The following TANGO6 variants were observed in gnomAD, a reference collection of about 807,000 sequenced individuals.
TANGO6 encodes the protein transport and golgi organization 6 homolog, also known as transport and Golgi organization protein 6 homolog.
In TANGO6, 90 loss-of-function variants were observed where a neutral mutation model predicts 114.2. That is an observed-to-expected ratio of 0.79 (90% CI 0.66 to 0.94). TANGO6 has a LOEUF of 0.94. TANGO6 is among the 40% of genes least tolerant of loss of function. TANGO6 has a pLI of 0.00. For missense variants in TANGO6, 1,274 were observed against 1,315.3 expected, an observed-to-expected ratio of 0.97 and a Z score of 0.49; for synonymous variants, 477 against 509.8, an observed-to-expected ratio of 0.94 and a Z score of 0.87.
chr16:69,037,319 G>A (rs114467714), intron 16 of TANGO6, among the ~76,000 whole-genome samples: 4 of 152,232 alleles, frequency 2.6e-5, no homozygotes, highest in African/African-American at 9.6e-5. Flanking sequence ...GGACAGAGGT[G>A]ACAAAGGCAG....
intron 15 of TANGO6, among the ~76,000 whole-genome samples, chr16:68,997,536 A>G (rs1288101843): frequency 6.6e-6 from 1 of 152,198 alleles, no homozygotes; most frequent in Non-Finnish European, 1.5e-5. Flanking sequence ...CATTATAATC[A>G]GTGTATAATG....
At position 68,907,443 on chromosome 16, in the gene TANGO6, T is replaced by TGATGAA. The variant is rs1340429107; in HGVS notation, c.1682_1687dup (p.Asp561_Glu562dup). On this transcript the variant is annotated inframe_insertion and splice_region_variant, in exon 10 of 18. Coordinates refer to ENST00000261778, the MANE Select transcript of TANGO6 (RefSeq NM_024562.2). ...AGATAAATTTTACCCTGCATTGCAG[T>TGATGAA]GATGAAGATGAAGATGAAGCCCTGT... 8 of 1,593,604 alleles carry TGATGAA rather than the reference T, an allele frequency of 5.0e-6. No individual in the cohort carries two copies. The highest frequency in any genetic ancestry group is 1.4e-5 in the African/African-American group (1 of 73,868).
intron 9 of TANGO6, among the ~76,000 whole-genome samples, chr16:68,907,237 G>A (rs914126206): frequency 1.3e-5 from 2 of 151,450 alleles, no homozygotes; most frequent in African/African-American, 2.4e-5. Context: ...GTGAGCCACC[G>A]CGCCTGGCCC....
chr16:68,892,972 C>G (rs1962647627), intron 7 of TANGO6, among the ~76,000 whole-genome samples: 2 of 152,158 alleles, frequency 1.3e-5, no homozygotes, highest in Non-Finnish European at 2.9e-5. Flanking sequence ...GTGGAAATAC[C>G]TAGAGTAACC....
At chr16:68,890,837 A>G (rs962596069) in intron 7 of TANGO6, among the ~76,000 whole-genome samples, 1 of 152,086 alleles carries the variant, frequency 6.6e-6, no homozygotes, top group African/African-American at 2.4e-5. Context: ...CCTGGCCAAC[A>G]TGGCGAAACC....
intron 16 of TANGO6, among the ~76,000 whole-genome samples, chr16:69,039,399 G>T (rs1324256852): frequency 1.3e-5 from 2 of 151,634 alleles, no homozygotes; most frequent in African/African-American, 4.8e-5. Context: ...ACCTTGGGAG[G>T]CCAAGGCAGG....
At chr16:69,053,078 T>C (rs1444926122) in intron 17 of TANGO6, among the ~76,000 whole-genome samples, 3 of 152,080 alleles carry the variant, frequency 2.0e-5, no homozygotes, top group Non-Finnish European at 4.4e-5. Context: ...ACTGTACTCC[T>C]GGCAACAAGG....
chr16:69,025,228 C>T (rs560377584), intron 16 of TANGO6, among the ~76,000 whole-genome samples: 122 of 152,290 alleles, frequency 8.0e-4, no homozygotes, highest in Non-Finnish European at 1.5e-3. Context: ...GCTCTTATAC[C>T]GCACCCAAGA....
At chr16:68,939,223 A>C (rs1197603316) in intron 14 of TANGO6, among the ~76,000 whole-genome samples, 1 of 152,102 alleles carries the variant, frequency 6.6e-6, no homozygotes, top group Non-Finnish European at 1.5e-5. Flanking sequence ...AACTAAACAA[A>C]TTAAAAGACC....
intron 9 of TANGO6, among the ~76,000 whole-genome samples, chr16:68,904,566 T>C (rs536352083): frequency 2.6e-5 from 4 of 152,332 alleles, no homozygotes; most frequent in Admixed American, 2.0e-4. Flanking sequence ...AAATTAGTAA[T>C]TGTACTTTTC....
intron 14 of TANGO6, among the ~76,000 whole-genome samples, chr16:68,932,666 T>C (rs1027315216): frequency 2.0e-5 from 3 of 151,976 alleles, no homozygotes; most frequent in African/African-American, 7.3e-5. Flanking sequence ...GGCGGGCACC[T>C]GTAATCCCGG....
Position 68,843,587 on chromosome 16 carries a change from C to T in TANGO6, c.-31C>T, listed in dbSNP as rs780956947. 40 of 1,603,530 alleles carry T rather than the reference C, an allele frequency of 2.5e-5. 1 individual carries two copies. The South Asian group carries it at 3.8e-4, about 15-fold the overall frequency. On this transcript the variant is annotated 5_prime_UTR_variant, in exon 1 of 18. Coordinates refer to ENST00000261778, the MANE Select transcript of TANGO6 (RefSeq NM_024562.2). The stretch of plus-strand genomic sequence containing the variant: ...GCGGCGCCCTGCCGAGGCGCCTGAG[C>T]GGGTCGCGAGCGTGGTGTTACACTC...
rs1491155082 is a variant in TANGO6 at position 68,899,504 on chromosome 16, ACT to A, written c.1378-929_1378-928del. On this transcript the variant is annotated intron_variant, in intron 7 of 17. Coordinates refer to ENST00000261778, the MANE Select transcript of TANGO6 (RefSeq NM_024562.2). Reference sequence around the variant, plus strand: ...TTAATAAAATTCACCATCCTCACACACTTTTTTTTTTTTTTAATTTTTTTCAT... The same window carrying A: ...TTAATAAAATTCACCATCCTCACACATTTTTTTTTTTTTAATTTTTTTCAT... 2.2e-4 allele frequency among the ~76,000 whole-genome samples: 33 copies of A among 148,046 alleles called. No homozygotes were observed. The East Asian group carries it at 5.1e-3, about 23-fold the overall frequency.
At chr16:68,935,477 A>G (rs186836743) in intron 14 of TANGO6, among the ~76,000 whole-genome samples, 28 of 152,308 alleles carry the variant, frequency 1.8e-4, no homozygotes, top group Middle Eastern at 3.4e-3. Context: ...TCTGATGTCT[A>G]TATTATCTAT....
chr16:68,970,275 C>G (rs1049594148), intron 14 of TANGO6, among the ~76,000 whole-genome samples: 2 of 152,182 alleles, frequency 1.3e-5, no homozygotes, highest in Admixed American at 6.5e-5. Flanking sequence ...TGTCTGCCCA[C>G]TACAGAGAGG....
chr16:69,022,287 T>C (rs1277996064), intron 15 of TANGO6, among the ~76,000 whole-genome samples: 3 of 152,186 alleles, frequency 2.0e-5, no homozygotes, highest in African/African-American at 7.2e-5. Context: ...ACATGTAGAC[T>C]TTTGAGAATA....
Position 69,083,779 on chromosome 16 carries a change from G to A in TANGO6, c.*118G>A. ...TGCTGGCAGCATGGCTGACCCTCGG[G>A]GTGGTTTTATGGTGCAGGTCACTTG... On this transcript the variant is annotated 3_prime_UTR_variant, in exon 18 of 18. Transcript: ENST00000261778. 3.2e-6 allele frequency: 4 copies of A among 1,248,648 alleles called. No individual in the cohort carries two copies. Among genetic ancestry groups the A allele is most frequent in the Non-Finnish European group, 3.3e-6 (3 of 919,502 alleles). 77.3% of individuals were successfully genotyped at this position (1,248,648 alleles called of 1,614,324 possible). A position where few individuals can be genotyped will look rare whatever the true frequency, so the allele number is the denominator to read the frequency against.
At chr16:68,908,908 G>A (rs1962886896) in intron 10 of TANGO6, among the ~76,000 whole-genome samples, 1 of 152,080 alleles carries the variant, frequency 6.6e-6, no homozygotes, top group South Asian at 2.1e-4. Context: ...GTATCATACT[G>A]TACATATTAT....
At chr16:69,079,061 C>T (rs1397304146) in intron 17 of TANGO6, among the ~76,000 whole-genome samples, 1 of 152,060 alleles carries the variant, frequency 6.6e-6, no homozygotes, top group South Asian at 2.1e-4. Flanking sequence ...TGCAGTGGCT[C>T]ATGCCTGTAA....
Sources: allele counts gnomAD v4.1 joint callset (sites outside exome capture counted in the v4.1 genomes callset), GRCh38; gene constraint gnomAD v4.1.1; transcripts MANE v1.5; gene names NCBI Gene and HGNC (gene_info 2026-07-23, HGNC 2026-07-21).